Variants in ARL13B observed in about 807,000 individuals in gnomAD.
The protein encoded by ARL13B is ARF like GTPase 13B, also known as ADP-ribosylation factor-like protein 13B.
In ARL13B, 36 loss-of-function variants were observed where a neutral mutation model predicts 56.1. The observed-to-expected ratio is 0.64, with a 90% CI of 0.49 to 0.85. The LOEUF is 0.85. Ranked by LOEUF, ARL13B falls within the 40% of genes least tolerant of loss-of-function variation. ARL13B has a pLI of 0.00. For synonymous variants in ARL13B, 178 were observed against 171.1 expected, an observed-to-expected ratio of 1.04 and a Z score of -0.32; for missense variants, 519 against 507.1, an observed-to-expected ratio of 1.02 and a Z score of -0.23.
intron 3 of ARL13B, among the ~76,000 whole-genome samples, chr3:94,032,399 CAT>C (rs2076691466): frequency 6.6e-6 from 1 of 152,202 alleles, no homozygotes. Flanking sequence ...AAAGTTAAAA[CAT>C]AGCAGATGTC....
intron 3 of ARL13B, among the ~76,000 whole-genome samples, chr3:94,020,772 G>A (rs892295775): frequency 2.6e-5 from 4 of 152,160 alleles, no homozygotes; most frequent in African/African-American, 9.7e-5. Context: ...TGCACTTAAA[G>A]CATTCTACTA....
intron 3 of ARL13B, among the ~76,000 whole-genome samples, chr3:94,029,466 G>C (rs2076635885): frequency 6.7e-6 from 1 of 149,846 alleles, no homozygotes; most frequent in Non-Finnish European, 1.5e-5. Flanking sequence ...TGCTGCCTGA[G>C]CCCCATAAGT....
chr3:94,004,608 T>A (rs1286720761), intron 3 of ARL13B, among the ~76,000 whole-genome samples: 2 of 151,904 alleles, frequency 1.3e-5, no homozygotes, highest in African/African-American at 4.8e-5. Context: ...TTTCCCTTGT[T>A]CTTGTGGTTC....
rs905878118 is a variant in ARL13B, at chr3:94,020,924, A to G, written c.381-14407A>G. 1.2e-4 allele frequency among the ~76,000 whole-genome samples: 18 copies of G among 152,116 alleles called. No individual in the cohort carries two copies. The South Asian group carries it at 3.5e-3, about 30-fold the overall frequency. On this transcript the variant is annotated intron_variant, in intron 3 of 9. Coordinates refer to ENST00000394222, the MANE Select transcript of ARL13B (RefSeq NM_001174150.2). Reference sequence around the variant, plus strand: ...GACTTCTAAGCTGGAAGGAGATTCCATACGCCTCTTCCTCTGCATATTTTT... The same window carrying G: ...GACTTCTAAGCTGGAAGGAGATTCCGTACGCCTCTTCCTCTGCATATTTTT...
chr3:93,985,600 C>G (rs1575922900), intron 1 of ARL13B, among the ~76,000 whole-genome samples: 1 of 152,040 alleles, frequency 6.6e-6, no homozygotes, highest in Non-Finnish European at 1.5e-5. Context: ...AATGTTTTTA[C>G]TGTTATTTAA....
At chr3:94,025,574 A>AT (rs2076539543) in intron 3 of ARL13B, among the ~76,000 whole-genome samples, 1 of 152,188 alleles carries the variant, frequency 6.6e-6, no homozygotes. Flanking sequence ...GGGCAAGTGT[A>AT]TTTAGTGAAA....
At chr3:94,022,369 A>G (rs1256265478) in intron 3 of ARL13B, among the ~76,000 whole-genome samples, 1 of 151,048 alleles carries the variant, frequency 6.6e-6, no homozygotes, top group African/African-American at 2.4e-5. Context: ...CAAGTGATCC[A>G]CCCGCCTCAG....
intron 3 of ARL13B, among the ~76,000 whole-genome samples, chr3:94,029,334 A>ATATTTTTT (rs2076625062): frequency 1.9e-5 from 1 of 53,436 alleles, no homozygotes; most frequent in African/African-American, 9.3e-5. Flanking sequence ...ATATATATAT[A>ATATTTTTT]TTTATTTTTT....
chr3:93,980,857 A>G (rs1402079733), intron 1 of ARL13B, among the ~76,000 whole-genome samples: 1 of 152,100 alleles, frequency 6.6e-6, no homozygotes, highest in African/African-American at 2.4e-5. Context: ...TTTTCATAAT[A>G]TCCGCACATT....
At chr3:93,984,443 T>A (rs1257418826) in intron 1 of ARL13B, among the ~76,000 whole-genome samples, 1 of 151,940 alleles carries the variant, frequency 6.6e-6, no homozygotes, top group Non-Finnish European at 1.5e-5. Context: ...CATCCTCATC[T>A]TCTTCCCATT....
chr3:93,984,794 C>T (rs746993276), intron 1 of ARL13B, among the ~76,000 whole-genome samples: 2 of 152,030 alleles, frequency 1.3e-5, no homozygotes, highest in African/African-American at 4.8e-5. Context: ...ATCGCTTGAG[C>T]CTAGGAGTTT....
Position 93,980,243 on chromosome 3 carries a change from C to T in ARL13B, c.-181C>T. 3.9e-6 allele frequency: 3 copies of T among 769,538 alleles called. No homozygotes were observed. The South Asian group carries it at 4.3e-5, about 11-fold the overall frequency. 47.7% of individuals were successfully genotyped at this position (769,538 alleles called of 1,614,324 possible). On this transcript the variant is annotated 5_prime_UTR_variant, in exon 1 of 10. Transcript: ENST00000394222. The stretch of plus-strand genomic sequence containing the variant: ...TCCTTGGCTAAGAGGGCAGTCGTCG[C>T]GGACCCACGCGGTTAGCAAGGCTTA...
chr3:94,020,989 C>G (rs545070864), intron 3 of ARL13B, among the ~76,000 whole-genome samples: 113 of 151,976 alleles, frequency 7.4e-4, no homozygotes, highest in African/African-American at 2.7e-3. Flanking sequence ...AACAGTTTCT[C>G]TACCTTCAGA....
chr3:94,036,851 T>G, intron 5 of ARL13B, 97 bp downstream of exon 5: 1 of 1,385,338 alleles, frequency 7.2e-7, no homozygotes, highest in Non-Finnish European at 1.0e-6. Flanking sequence ...AGTTTCTTCT[T>G]TCTGTGTGAA....
chr3:94,024,618 CTCTA>C (rs1196248872), intron 3 of ARL13B, among the ~76,000 whole-genome samples: 7 of 152,290 alleles, frequency 4.6e-5, no homozygotes, highest in African/African-American at 1.7e-4. Flanking sequence ...TAGGATCTCA[CTCTA>C]TCACCCAGGC....
At chr3:94,042,462 AAAT>A (rs1436586996) in intron 6 of ARL13B, among the ~76,000 whole-genome samples, 1 of 152,234 alleles carries the variant, frequency 6.6e-6, no homozygotes, top group Non-Finnish European at 1.5e-5. Context: ...TAAACATTCA[AAAT>A]AATAATTGAT....
At chr3:94,006,097 C>T (rs777427153) in intron 3 of ARL13B, among the ~76,000 whole-genome samples, 1 of 151,998 alleles carries the variant, frequency 6.6e-6, no homozygotes, top group East Asian at 1.9e-4. Context: ...TCAGGAGGAT[C>T]GAGACCATCC....
intron 6 of ARL13B, 94 bp downstream of exon 6, chr3:94,040,082 A>C: frequency 9.6e-7 from 1 of 1,037,864 alleles, no homozygotes; most frequent in Non-Finnish European, 1.5e-6. Context: ...GCAGGGAAAC[A>C]GATGTGTTTC....
At chr3:94,023,517 C>T (rs2076492573) in intron 3 of ARL13B, among the ~76,000 whole-genome samples, 1 of 151,716 alleles carries the variant, frequency 6.6e-6, no homozygotes, top group Non-Finnish European at 1.5e-5. Context: ...TCTTTAAGAA[C>T]TTTATTTTCT....
Sources: allele counts gnomAD v4.1 joint callset (sites outside exome capture counted in the v4.1 genomes callset), GRCh38; gene constraint gnomAD v4.1.1; transcripts MANE v1.5; gene names NCBI Gene and HGNC (gene_info 2026-07-23, HGNC 2026-07-21).